ZBTB20: variants seen among roughly 807,000 people sequenced by gnomAD.
The protein encoded by ZBTB20 is zinc finger and BTB domain containing 20.
In ZBTB20, 9 loss-of-function variants were observed where a neutral mutation model predicts 56.9. That is an observed-to-expected ratio of 0.16 (90% CI 0.10 to 0.28). The LOEUF is 0.28. ZBTB20 is among the 10% of genes least tolerant of loss of function. ZBTB20 has a pLI of 1.00. For synonymous variants in ZBTB20, 417 were observed against 420.7 expected (o/e 0.99, Z 0.11); for missense variants, 655 against 1,003.0 (o/e 0.65, Z 4.69).
chr3:114,731,107 C>G (rs1430737495), intron 5 of ZBTB20, among the ~76,000 whole-genome samples: 4 of 152,102 alleles, frequency 2.6e-5, no homozygotes. Flanking sequence ...GTTGGAGTAA[C>G]AGAAAGCAAC....
At chr3:114,471,442 T>C (rs1258621438) in intron 7 of ZBTB20, among the ~76,000 whole-genome samples, 1 of 152,100 alleles carries the variant, frequency 6.6e-6, no homozygotes, top group Non-Finnish European at 1.5e-5. Flanking sequence ...AAGATCAATA[T>C]TAAGATGATA....
In ZBTB20 at chr3:114,389,092, G is replaced by C. The variant is rs935794822; in HGVS notation, c.-241C>G. 5.9e-5 allele frequency: 9 copies of C among 152,220 alleles called. No individual in the cohort carries two copies. Among genetic ancestry groups the C allele is most frequent in the African/African-American group, 2.2e-4 (9 of 41,444 alleles). The allele number at this position is 152,220 out of a possible 1,614,324, so 9.4% of individuals were successfully genotyped here. A position where few individuals can be genotyped will look rare whatever the true frequency, so the allele number is the denominator to read the frequency against. Reference sequence around the variant, plus strand: ...CAGATGTTCATTGGGGCAGGGAGCAGAGAGCGGCTGCATCTAGATCAGACA... The same window carrying C: ...CAGATGTTCATTGGGGCAGGGAGCACAGAGCGGCTGCATCTAGATCAGACA... On this transcript the variant is annotated 5_prime_UTR_variant, in exon 8 of 12. Coordinates refer to ENST00000675478, the MANE Select transcript of ZBTB20 (RefSeq NM_001348800.3).
At chr3:115,049,366 G>A (rs77274599) in intron 2 of ZBTB20, among the ~76,000 whole-genome samples, 2,181 of 152,182 alleles carry the variant, frequency 0.014, 30 homozygotes, top group Non-Finnish European at 0.022. Flanking sequence ...ACTAAATAAA[G>A]TATATTTCAG....
At chr3:114,575,993 T>C (rs937671294) in intron 6 of ZBTB20, among the ~76,000 whole-genome samples, 2 of 152,198 alleles carry the variant, frequency 1.3e-5, no homozygotes, top group African/African-American at 4.8e-5. Flanking sequence ...TTAAACAAAA[T>C]GGTAGTTCAT....
At chr3:114,458,045 A>G (rs1430603391) in intron 7 of ZBTB20, among the ~76,000 whole-genome samples, 1 of 152,198 alleles carries the variant, frequency 6.6e-6, no homozygotes, top group Non-Finnish European at 1.5e-5. Context: ...CTTCAGGTGT[A>G]GTCCTTTGTC....
chr3:114,668,307 C>T (rs1244897188), intron 6 of ZBTB20, among the ~76,000 whole-genome samples: 5 of 151,956 alleles, frequency 3.3e-5, no homozygotes, highest in Non-Finnish European at 5.9e-5. Flanking sequence ...CTCAGTACTT[C>T]AGTTTCATCA....
intron 2 of ZBTB20, among the ~76,000 whole-genome samples, chr3:114,974,786 G>A (rs1052730405): frequency 2.6e-5 from 4 of 152,040 alleles, no homozygotes; most frequent in South Asian, 2.1e-4. Flanking sequence ...CAGAGAGTTC[G>A]CAAAGTTCTA....
chr3:114,734,325 T>C (rs1181961465), intron 5 of ZBTB20, among the ~76,000 whole-genome samples: 1 of 152,026 alleles, frequency 6.6e-6, no homozygotes, highest in African/African-American at 2.4e-5. Flanking sequence ...TTATGTACAA[T>C]AAGAATAAGC....
At chr3:114,901,992 A>G (rs2075138666) in intron 3 of ZBTB20, among the ~76,000 whole-genome samples, 1 of 152,182 alleles carries the variant, frequency 6.6e-6, no homozygotes, top group African/African-American at 2.4e-5. Context: ...GTAAAAGGAA[A>G]AAGTTATAAA....
chr3:114,388,533 A>T (rs904426342), intron 8 of ZBTB20: 2 of 152,454 alleles, frequency 1.3e-5, no homozygotes, highest in African/African-American at 4.8e-5. Context: ...GCTCCAAGGG[A>T]AGGGCAGCAA....
At chr3:114,452,820 T>C (rs1024058211) in intron 7 of ZBTB20, among the ~76,000 whole-genome samples, 8 of 152,176 alleles carry the variant, frequency 5.3e-5, no homozygotes, top group Non-Finnish European at 1.2e-4. Flanking sequence ...GCAAAACAGT[T>C]ATCTGTAGTT....
chr3:114,995,078 G>T (rs550568359), intron 2 of ZBTB20, among the ~76,000 whole-genome samples: 32 of 151,976 alleles, frequency 2.1e-4, no homozygotes, highest in Admixed American at 7.2e-4. Context: ...CGCATGTGCT[G>T]CATGAAATGA....
intron 3 of ZBTB20, among the ~76,000 whole-genome samples, chr3:114,915,516 T>A (rs114932013): frequency 3.3e-4 from 50 of 152,108 alleles, no homozygotes; most frequent in Non-Finnish European, 4.1e-4. Context: ...ATTTTGTTTA[T>A]CTTTTCAAAA....
chr3:114,903,466 C>T (rs1270176849), intron 3 of ZBTB20, among the ~76,000 whole-genome samples: 3 of 152,008 alleles, frequency 2.0e-5, no homozygotes, highest in Non-Finnish European at 4.4e-5. Flanking sequence ...TTGTTGAAGA[C>T]ATCACCCTAC....
intron 5 of ZBTB20, among the ~76,000 whole-genome samples, chr3:114,753,082 C>CTAT (rs2067688912): frequency 6.6e-6 from 1 of 151,748 alleles, no homozygotes; most frequent in East Asian, 1.9e-4. Flanking sequence ...ATTTACTGGT[C>CTAT]TCTTCTCTGG....
At chr3:115,022,667 A>G (rs1248804003) in intron 2 of ZBTB20, among the ~76,000 whole-genome samples, 2 of 150,908 alleles carry the variant, frequency 1.3e-5, no homozygotes, top group African/African-American at 4.8e-5. Context: ...TACTCCCTTC[A>G]AACTAATCTT....
At chr3:115,132,552 T>C (rs1047782134) in intron 1 of ZBTB20, among the ~76,000 whole-genome samples, 3 of 152,206 alleles carry the variant, frequency 2.0e-5, no homozygotes, top group Non-Finnish European at 2.9e-5. Context: ...TGTTAAATAA[T>C]TGTGATGGTT....
At chr3:114,370,125 C>T (rs1009855560) in intron 10 of ZBTB20, among the ~76,000 whole-genome samples, 1 of 152,132 alleles carries the variant, frequency 6.6e-6, no homozygotes, top group Non-Finnish European at 1.5e-5. Flanking sequence ...TTCCAATTGC[C>T]CTGTGAAATG....
intron 6 of ZBTB20, among the ~76,000 whole-genome samples, chr3:114,680,824 C>T (rs929275635): frequency 2.0e-5 from 3 of 152,128 alleles, no homozygotes; most frequent in African/African-American, 7.2e-5. Context: ...TGGTGATAAA[C>T]TTCAGAAAGC....
Sources: gnomAD v4.1 joint callset for allele counts (sites outside exome capture counted in the v4.1 genomes callset) on GRCh38, gnomAD v4.1.1 for gene constraint, MANE v1.5 for transcripts, NCBI Gene and HGNC (gene_info 2026-07-23, HGNC 2026-07-21) for gene names.